TENM2: variants seen among roughly 807,000 people sequenced by gnomAD.
TENM2 encodes teneurin transmembrane protein 2.
A neutral mutation model predicts 245.2 loss-of-function variants in TENM2; 52 were observed. That is an observed-to-expected ratio of 0.21 (90% CI 0.17 to 0.27). The LOEUF (loss-of-function observed/expected upper bound fraction) is 0.27. Ranked by LOEUF, TENM2 falls within the 10% of genes least tolerant of loss-of-function variation. The pLI is 1.00. For synonymous variants in TENM2, 1,363 were observed against 1,438.9 expected (o/e 0.95, Z 1.19); for missense variants, 3,046 against 3,666.8 (o/e 0.83, Z 4.37).
chr5:167,186,077 A>G, the TENM2 span, among the ~76,000 whole-genome samples: 1 of 152,166 alleles, frequency 6.6e-6, no homozygotes, highest in Non-Finnish European at 1.5e-5. Flanking sequence ...AACATTTAAC[A>G]GAGTGGAATT....
chr5:167,687,676 TC>T (rs947985562), intron 2 of TENM2, among the ~76,000 whole-genome samples: 5 of 152,086 alleles, frequency 3.3e-5, no homozygotes, highest in African/African-American at 1.2e-4. Flanking sequence ...AAAAAAAAAA[TC>T]TACTTTATCC....
At chr5:167,138,697 A>G in the TENM2 span, among the ~76,000 whole-genome samples, 2 of 152,180 alleles carry the variant, frequency 1.3e-5, no homozygotes, top group African/African-American at 4.8e-5. Context: ...ATCTTGGCTC[A>G]CTGCAACCTC....
At chr5:167,356,216 A>AAAG (rs1759318952) in intron 1 of TENM2, among the ~76,000 whole-genome samples, 94 of 134,396 alleles carry the variant, frequency 7.0e-4, no homozygotes, top group African/African-American at 2.9e-3. Context: ...AAAAAAAAAA[A>AAAG]AAAAATTAAA....
chr5:167,277,705 GGTGTTGAAAACTC>G, the TENM2 span, among the ~76,000 whole-genome samples: 3 of 151,870 alleles, frequency 2.0e-5, no homozygotes, highest in African/African-American at 4.8e-5. Flanking sequence ...TGAAGACCTG[GGTGTTGAAAACTC>G]AAATACAATT....
chr5:167,390,118 T>C (rs2127359679), intron 2 of TENM2, among the ~76,000 whole-genome samples: 1 of 152,306 alleles, frequency 6.6e-6, no homozygotes, highest in East Asian at 1.9e-4. Flanking sequence ...TTGGCTGCAT[T>C]TTCAAAAGCA....
intron 5 of TENM2, among the ~76,000 whole-genome samples, chr5:168,027,994 T>C (rs554066656): frequency 6.6e-6 from 1 of 152,284 alleles, no homozygotes; most frequent in East Asian, 1.9e-4. Flanking sequence ...AGAGCAAGTT[T>C]AGTGAGGATT....
At chr5:167,033,806 A>C in the TENM2 span, among the ~76,000 whole-genome samples, 1 of 152,154 alleles carries the variant, frequency 6.6e-6, no homozygotes, top group Non-Finnish European at 1.5e-5. Flanking sequence ...TACAGAAAGC[A>C]TTTTTGTTTT....
At chr5:167,870,842 G>A (rs936827840) in intron 2 of TENM2, among the ~76,000 whole-genome samples, 12 of 151,580 alleles carry the variant, frequency 7.9e-5, no homozygotes, top group African/African-American at 2.9e-4. Flanking sequence ...ACATCTCATT[G>A]CTACATAAAT....
chr5:167,612,070 A>G (rs926458732), intron 2 of TENM2, among the ~76,000 whole-genome samples: 2 of 152,172 alleles, frequency 1.3e-5, no homozygotes, highest in Non-Finnish European at 2.9e-5. Flanking sequence ...TACATAAAAA[A>G]TGAATTCACA....
chr5:167,466,341 T>A (rs1447615337), intron 2 of TENM2, among the ~76,000 whole-genome samples: 1 of 152,170 alleles, frequency 6.6e-6, no homozygotes, highest in African/African-American at 2.4e-5. Flanking sequence ...TCAAGTTCAA[T>A]TGGGTGTTAG....
chr5:168,002,230 T>C (rs551628234), intron 5 of TENM2, among the ~76,000 whole-genome samples: 2 of 152,308 alleles, frequency 1.3e-5, no homozygotes, highest in East Asian at 3.9e-4. Flanking sequence ...TCCCTTGGGA[T>C]GGGTTTTCAT....
At chr5:167,533,690 G>C (rs1192929128) in intron 2 of TENM2, among the ~76,000 whole-genome samples, 1 of 152,038 alleles carries the variant, frequency 6.6e-6, no homozygotes, top group African/African-American at 2.4e-5. Context: ...AAATTCCTGA[G>C]CTGAAGAAAT....
At chr5:167,182,072 A>G in the TENM2 span, among the ~76,000 whole-genome samples, 3 of 152,230 alleles carry the variant, frequency 2.0e-5, no homozygotes, top group Non-Finnish European at 4.4e-5. Flanking sequence ...CAAATTCAGT[A>G]TACAGTTGTC....
At chr5:167,556,426 A>ATATG (rs1432982069) in intron 2 of TENM2, among the ~76,000 whole-genome samples, 1 of 150,140 alleles carries the variant, frequency 6.7e-6, no homozygotes, top group Non-Finnish European at 1.5e-5. Flanking sequence ...ACTTACATAT[A>ATATG]TATATATATA....
rs189083606 is a variant in TENM2 at position 167,417,032 on chromosome 5, A to G, written c.502+41559A>G. ...ATATTTCAAAGATAATCTATAATCAAATATTGTCTTAGGATCTTATTTTAT... is the reference window on the plus strand; with the variant it reads ...ATATTTCAAAGATAATCTATAATCAGATATTGTCTTAGGATCTTATTTTAT... On this transcript the variant is annotated intron_variant, in intron 2 of 28. Coordinates refer to ENST00000518659, the Ensembl canonical transcript of TENM2. Among the ~76,000 whole-genome samples, 5 of 152,294 alleles carry G rather than the reference A, an allele frequency of 3.3e-5. No homozygotes were observed. In the East Asian group the frequency reaches 5.8e-4, roughly 18 times the overall value.
In TENM2 at chr5:167,631,726, TA is replaced by T. The variant is rs577804205; in HGVS notation, c.503-244259del. On this transcript the variant is annotated intron_variant, in intron 2 of 28. Transcript: ENST00000518659. The stretch of plus-strand genomic sequence containing the variant: ...CCCCCTGGGCTTTGCCTATTCTATT[TA>T]TTTTGCAAATGTTGCTTTAAACTTC... Among the ~76,000 whole-genome samples the T allele has an allele frequency of 9.2e-5, 14 of 152,304 alleles. No individual in the cohort carries two copies. The East Asian group carries it at 1.5e-3, about 17-fold the overall frequency.
chr5:167,578,097 C>T (rs1258443352), intron 2 of TENM2, among the ~76,000 whole-genome samples: 2 of 152,194 alleles, frequency 1.3e-5, no homozygotes, highest in Non-Finnish European at 2.9e-5. Context: ...TTGATAGCCA[C>T]TGGAGAGGGG....
chr5:167,786,298 C>G (rs1228633493), intron 2 of TENM2, among the ~76,000 whole-genome samples: 4 of 152,198 alleles, frequency 2.6e-5, no homozygotes, highest in Admixed American at 2.6e-4. Context: ...AAGGTGAATT[C>G]ATTACCTCAT....
chr5:167,353,323 A>AG (rs1289468027), intron 1 of TENM2, among the ~76,000 whole-genome samples: 1 of 103,658 alleles, frequency 9.6e-6, no homozygotes, highest in Non-Finnish European at 1.7e-5. Context: ...TGTAATGTGC[A>AG]GGGGGGTGGT....
Sources: allele counts gnomAD v4.1 joint callset (sites outside exome capture counted in the v4.1 genomes callset), GRCh38; gene constraint gnomAD v4.1.1; transcripts MANE v1.5; gene names NCBI Gene and HGNC (gene_info 2026-07-23, HGNC 2026-07-21).